F13A1: variants seen among roughly 807,000 people sequenced by gnomAD.
F13A1 encodes the protein coagulation factor XIII A chain.
In F13A1, 47 loss-of-function variants were observed where a neutral mutation model predicts 80.1. That is an observed-to-expected ratio of 0.59 (90% CI 0.46 to 0.75). F13A1 has a LOEUF of 0.75. Ranked by LOEUF, F13A1 falls within the 30% of genes least tolerant of loss-of-function variation. The pLI is 0.00. For synonymous variants in F13A1, 349 were observed against 344.9 expected, an observed-to-expected ratio of 1.01 and a Z score of -0.13; for missense variants, 817 against 930.4, an observed-to-expected ratio of 0.88 and a Z score of 1.59.
intron 10 of F13A1, among the ~76,000 whole-genome samples, chr6:6,191,660 A>C (rs1761202637): frequency 6.6e-6 from 1 of 152,188 alleles, no homozygotes; most frequent in Non-Finnish European, 1.5e-5. Context: ...GAGGCTAGAG[A>C]CGTGCTCTTG....
intron 3 of F13A1, among the ~76,000 whole-genome samples, chr6:6,282,697 G>T (rs190000185): frequency 3.9e-5 from 6 of 152,308 alleles, no homozygotes; most frequent in African/African-American, 1.4e-4. Context: ...CTCCTTGGGA[G>T]TTGCCTTAGC....
At chr6:6,273,831 C>T (rs1757952749) in intron 3 of F13A1, among the ~76,000 whole-genome samples, 1 of 152,034 alleles carries the variant, frequency 6.6e-6, no homozygotes, top group South Asian at 2.1e-4. Flanking sequence ...TGTGCTGAGA[C>T]CAAGTGGGAA....
chr6:6,297,174 T>C (rs1328300568), intron 3 of F13A1, among the ~76,000 whole-genome samples: 1 of 151,264 alleles, frequency 6.6e-6, no homozygotes, highest in Non-Finnish European at 1.5e-5. Flanking sequence ...GATTTTTGCA[T>C]CAATGTTCAT....
At chr6:6,272,195 T>A (rs528832513) in intron 3 of F13A1, among the ~76,000 whole-genome samples, 133 of 152,314 alleles carry the variant, frequency 8.7e-4, no homozygotes, top group African/African-American at 3.1e-3. Context: ...TTTTAAAAAA[T>A]TAATCTTTTG....
chr6:6,172,360 A>G (rs1049658205), intron 12 of F13A1, among the ~76,000 whole-genome samples: 3 of 152,062 alleles, frequency 2.0e-5, no homozygotes, highest in Non-Finnish European at 2.9e-5. Context: ...AGTCCTTTAC[A>G]CTGACTATTC....
intron 13 of F13A1, among the ~76,000 whole-genome samples, chr6:6,164,007 C>T (rs1760619966): frequency 1.3e-5 from 2 of 152,076 alleles, no homozygotes; most frequent in Admixed American, 6.5e-5. Flanking sequence ...TATAGCTATT[C>T]TGACTGGTAT....
chr6:6,147,255 C>T (rs1402629603), intron 14 of F13A1, among the ~76,000 whole-genome samples: 1 of 152,126 alleles, frequency 6.6e-6, no homozygotes, highest in African/African-American at 2.4e-5. Flanking sequence ...CACCAAAGAA[C>T]TTATTCATGT....
intron 11 of F13A1, among the ~76,000 whole-genome samples, chr6:6,178,044 A>C (rs796884824): frequency 1.0e-5 from 1 of 96,034 alleles, no homozygotes; most frequent in Non-Finnish European, 2.0e-5. Context: ...CCACAGGGAG[A>C]GGGGGGGGGG....
At chr6:6,265,950 C>T (rs1018665704) in intron 4 of F13A1, among the ~76,000 whole-genome samples, 4 of 152,158 alleles carry the variant, frequency 2.6e-5, no homozygotes, top group Admixed American at 2.6e-4. Context: ...GAGGTTGGTG[C>T]AAAAGTAATT....
chr6:6,227,064 T>C (rs1016652844), intron 6 of F13A1, among the ~76,000 whole-genome samples: 44 of 152,306 alleles, frequency 2.9e-4, no homozygotes, highest in African/African-American at 1.0e-3. Context: ...GAGCTCTGCA[T>C]GGGTATTATG....
rs555411578 is a variant in F13A1 at position 6,190,233 on chromosome 6, C to T, written c.1305+5564G>A. The stretch of plus-strand genomic sequence containing the variant: ...CCTTCTTCTCTCAGCTCGTCAAAGT[C>T]GTTCTCCGTCCAGCTTTGTTCCTTT... On this transcript the variant is annotated intron_variant, in intron 10 of 14. Coordinates refer to ENST00000264870, the MANE Select transcript of F13A1 (RefSeq NM_000129.4). 3.3e-3 allele frequency among the ~76,000 whole-genome samples: 502 copies of T among 152,326 alleles called. 3 individuals carry two copies. Among genetic ancestry groups the T allele is most frequent in the African/African-American group, 9.3e-3 (386 of 41,580 alleles).
At chr6:6,235,393 G>GA (rs539634508) in intron 6 of F13A1, among the ~76,000 whole-genome samples, 170 of 151,890 alleles carry the variant, frequency 1.1e-3, no homozygotes, top group African/African-American at 3.5e-3. Flanking sequence ...TGATTAAAAA[G>GA]AAAAAACTTG....
chr6:6,175,001 G>A, intron 11 of F13A1, 134 bp from the exon 12 acceptor site: 1 of 1,075,076 alleles, frequency 9.3e-7, no homozygotes, highest in Non-Finnish European at 1.4e-6. Context: ...CCAGGAGGAG[G>A]GTGCCGTCAT....
At chr6:6,186,740 G>C (rs1244590610) in intron 10 of F13A1, among the ~76,000 whole-genome samples, 1 of 152,024 alleles carries the variant, frequency 6.6e-6, no homozygotes, top group Non-Finnish European at 1.5e-5. Flanking sequence ...CTTTAAAGTA[G>C]TTTTTTCCAA....
chr6:6,220,807 A>G (rs1025509365), intron 8 of F13A1, among the ~76,000 whole-genome samples: 3 of 152,166 alleles, frequency 2.0e-5, no homozygotes, highest in African/African-American at 7.2e-5. Flanking sequence ...CCTCCAGCTT[A>G]CTATGGCTCA....
At chr6:6,244,438 G>A (rs1006463742) in intron 6 of F13A1, among the ~76,000 whole-genome samples, 1 of 152,074 alleles carries the variant, frequency 6.6e-6, no homozygotes, top group African/African-American at 2.4e-5. Flanking sequence ...AGGAGCCTAA[G>A]CAAAAGTTAG....
chr6:6,221,958 T>G, intron 8 of F13A1, 75 bp downstream of exon 8: 9 of 1,524,992 alleles, frequency 5.9e-6, no homozygotes, highest in Non-Finnish European at 8.1e-6. Context: ...AACATCAGAT[T>G]GAGTCTATCT....
chr6:6,171,651 A>G (rs934938168), intron 12 of F13A1, among the ~76,000 whole-genome samples: 4 of 152,178 alleles, frequency 2.6e-5, no homozygotes, highest in Non-Finnish European at 5.9e-5. Flanking sequence ...GTCTTTTCAA[A>G]ACCTAAGTTA....
chr6:6,289,814 T>A (rs1185554535), intron 3 of F13A1, among the ~76,000 whole-genome samples: 1 of 143,960 alleles, frequency 6.9e-6, no homozygotes, highest in African/African-American at 2.7e-5. Flanking sequence ...TGAACTTTTC[T>A]ATTTTTTTTT....
Sources: allele counts gnomAD v4.1 joint callset (sites outside exome capture counted in the v4.1 genomes callset), GRCh38; gene constraint gnomAD v4.1.1; transcripts MANE v1.5; gene names NCBI Gene and HGNC (gene_info 2026-07-23, HGNC 2026-07-21).